The following EYA4 variants were observed in gnomAD, a reference collection of about 807,000 sequenced individuals.
EYA4 encodes the protein EYA transcriptional coactivator and phosphatase 4, also known as protein phosphatase EYA4.
A neutral mutation model predicts 87.9 loss-of-function variants in EYA4; 31 were observed. The ratio of observed to expected loss-of-function variants is 0.35; its 90% CI spans 0.27 to 0.48. The LOEUF is 0.48. Ranked by LOEUF, EYA4 falls within the 20% of genes least tolerant of loss-of-function variation. EYA4 has a pLI of 0.99. For synonymous variants in EYA4, 263 were observed against 270.6 expected (o/e 0.97, Z 0.28); for missense variants, 678 against 761.4 (o/e 0.89, Z 1.29).
At chr6:133,434,407 G>C (rs1791462847) in intron 3 of EYA4, among the ~76,000 whole-genome samples, 1 of 151,928 alleles carries the variant, frequency 6.6e-6, no homozygotes, top group Non-Finnish European at 1.5e-5. Flanking sequence ...TTTATTGTCT[G>C]TGTTGTAGAA....
intron 3 of EYA4, among the ~76,000 whole-genome samples, chr6:133,383,205 G>A (rs981326643): frequency 9.2e-5 from 14 of 152,142 alleles, no homozygotes; most frequent in Non-Finnish European, 1.8e-4. Context: ...ACTTGCTCCC[G>A]CATATAGTGC....
chr6:133,492,682 G>A (rs1242257726), intron 13 of EYA4, among the ~76,000 whole-genome samples: 2 of 152,132 alleles, frequency 1.3e-5, no homozygotes, highest in Non-Finnish European at 2.9e-5. Context: ...ATTTGTAGAT[G>A]ATATAATCTT....
At chr6:133,254,964 G>A (rs963586418) in intron 1 of EYA4, among the ~76,000 whole-genome samples, 1 of 152,184 alleles carries the variant, frequency 6.6e-6, no homozygotes, top group African/African-American at 2.4e-5. Context: ...GACTACCTTT[G>A]TGTGTATCCA....
intron 2 of EYA4, among the ~76,000 whole-genome samples, chr6:133,364,318 A>G (rs1784693626): frequency 6.6e-6 from 1 of 152,186 alleles, no homozygotes; most frequent in Non-Finnish European, 1.5e-5. Flanking sequence ...AGTTATTTAT[A>G]TAGATGGTAA....
intron 11 of EYA4, among the ~76,000 whole-genome samples, chr6:133,472,544 G>C (rs1795361349): frequency 1.7e-5 from 1 of 59,774 alleles, no homozygotes; most frequent in Non-Finnish European, 2.8e-5. Context: ...TAGGTGTGGT[G>C]TGGTGCTGAA....
chr6:133,445,215 A>G (rs1792692696), intron 3 of EYA4, among the ~76,000 whole-genome samples: 1 of 152,190 alleles, frequency 6.6e-6, no homozygotes, highest in African/African-American at 2.4e-5. Context: ...CTTGAAAAAT[A>G]TAATTTCACC....
chr6:133,432,745 C>A (rs1407349478), intron 3 of EYA4, among the ~76,000 whole-genome samples: 1 of 151,962 alleles, frequency 6.6e-6, no homozygotes, highest in Non-Finnish European at 1.5e-5. Flanking sequence ...TATCACAGGG[C>A]CCTCTCATCA....
intron 2 of EYA4, among the ~76,000 whole-genome samples, chr6:133,334,925 A>T (rs296418): frequency 1.4e-4 from 22 of 152,042 alleles, no homozygotes; most frequent in Non-Finnish European, 2.9e-4. Context: ...AAATAGCTAC[A>T]TATAGCTCTA....
At chr6:133,285,019 T>C (rs541498332) in intron 2 of EYA4, among the ~76,000 whole-genome samples, 30 of 151,440 alleles carry the variant, frequency 2.0e-4, no homozygotes, top group Admixed American at 2.0e-4. Context: ...TTTTTTGAGA[T>C]GGAGTCTCAC....
chr6:133,485,524 C>T (rs1042616945), intron 13 of EYA4, among the ~76,000 whole-genome samples: 20 of 152,184 alleles, frequency 1.3e-4, no homozygotes, highest in African/African-American at 4.6e-4. Flanking sequence ...CCTGGGGCCC[C>T]AGATTCTTTG....
chr6:133,282,588 GTA>G (rs775377477), intron 2 of EYA4, among the ~76,000 whole-genome samples: 13 of 98,262 alleles, frequency 1.3e-4, no homozygotes, highest in South Asian at 3.8e-4. Flanking sequence ...ATATGTGTGT[GTA>G]TATATATATA....
chr6:133,299,947 C>CTATATATATA (rs558838503), intron 2 of EYA4, among the ~76,000 whole-genome samples: 2 of 140,258 alleles, frequency 1.4e-5, no homozygotes, highest in African/African-American at 5.5e-5. Context: ...ATCTATCTAT[C>CTATATATATA]TATCTATCTA....
At chr6:133,445,446 G>C (rs1286594362) in intron 3 of EYA4, among the ~76,000 whole-genome samples, 1 of 151,888 alleles carries the variant, frequency 6.6e-6, no homozygotes, top group Admixed American at 6.6e-5. Context: ...TTTAGTATTT[G>C]TTATAGTTCA....
chr6:133,522,957 C>T, intron 17 of EYA4, 99 bp from the exon 18 acceptor site: 1 of 1,004,780 alleles, frequency 1.0e-6, no homozygotes, highest in South Asian at 1.3e-5. Flanking sequence ...TGAAAGGGAC[C>T]ATTAATTAAG....
intron 3 of EYA4, among the ~76,000 whole-genome samples, chr6:133,405,440 A>T (rs916289346): frequency 1.1e-4 from 17 of 152,168 alleles, no homozygotes; most frequent in African/African-American, 4.1e-4. Flanking sequence ...GCCATCTACT[A>T]ACTTCTTTAT....
At chr6:133,464,427 T>C (rs185004054) in intron 9 of EYA4, among the ~76,000 whole-genome samples, 3 of 152,278 alleles carry the variant, frequency 2.0e-5, no homozygotes, top group East Asian at 1.9e-4. Context: ...GCAGTTGATA[T>C]GGTTTGAAAG....
chr6:133,366,659 T>C (rs1583074174), intron 2 of EYA4, among the ~76,000 whole-genome samples: 1 of 152,344 alleles, frequency 6.6e-6, no homozygotes, highest in African/African-American at 2.4e-5. Flanking sequence ...TTCTACGTGG[T>C]ATTTGTTATA....
At chr6:133,395,928 G>C (rs1207572490) in intron 3 of EYA4, among the ~76,000 whole-genome samples, 2 of 152,046 alleles carry the variant, frequency 1.3e-5, no homozygotes, top group Non-Finnish European at 2.9e-5. Flanking sequence ...TGAATTTAAT[G>C]GTTATTCTAA....
intron 13 of EYA4, chr6:133,502,621 G>A (rs1798232336): frequency 6.6e-6 from 1 of 152,170 alleles, no homozygotes; most frequent in Non-Finnish European, 1.5e-5. Flanking sequence ...TCCTTTAGCT[G>A]GAAAAATGCA....
Sources: allele counts gnomAD v4.1 joint callset (sites outside exome capture counted in the v4.1 genomes callset), GRCh38; gene constraint gnomAD v4.1.1; transcripts MANE v1.5; gene names NCBI Gene and HGNC (gene_info 2026-07-23, HGNC 2026-07-21).